SLC23A2: variants seen among roughly 807,000 people sequenced by gnomAD.
SLC23A2 encodes the protein Na(+)/L-ascorbic acid transporter 2.
In SLC23A2, 36 loss-of-function variants were observed where a neutral mutation model predicts 73.3. That is an observed-to-expected ratio of 0.49 (90% CI 0.38 to 0.65). The LOEUF is 0.65. Among genes scored for constraint, SLC23A2 ranks in the 30% least tolerant of loss-of-function variants. The probability of loss-of-function intolerance (pLI) is 0.00; values close to 1 mark genes in which losing one functional copy is unlikely to be tolerated. For missense variants in SLC23A2, 507 were observed against 841.6 expected, an observed-to-expected ratio of 0.60 and a Z score of 4.92; for synonymous variants, 343 against 327.3, an observed-to-expected ratio of 1.05 and a Z score of -0.52.
At chr20:4,866,568 T>C (rs1203836251) in intron 13 of SLC23A2, among the ~76,000 whole-genome samples, 4 of 152,106 alleles carry the variant, frequency 2.6e-5, no homozygotes, top group Non-Finnish European at 4.4e-5. Context: ...ACATCCCCCA[T>C]ACAGGGAGCA....
chr20:4,922,695 G>A (rs1468674584), intron 3 of SLC23A2, among the ~76,000 whole-genome samples: 1 of 152,074 alleles, frequency 6.6e-6, no homozygotes, highest in African/African-American at 2.4e-5. Flanking sequence ...GGGCATGGTC[G>A]TGCATGCCTG....
chr20:4,999,939 C>T (rs1019360653), intron 1 of SLC23A2, among the ~76,000 whole-genome samples: 2 of 152,120 alleles, frequency 1.3e-5, no homozygotes, highest in African/African-American at 4.8e-5. Flanking sequence ...AGGAAATAGC[C>T]TAGAAAGCAG....
chr20:4,879,797 A>G (rs183779895), intron 9 of SLC23A2, among the ~76,000 whole-genome samples: 1 of 152,326 alleles, frequency 6.6e-6, no homozygotes, highest in East Asian at 1.9e-4. Context: ...TTGTTCTTTC[A>G]TTGTGTTATC....
At chr20:4,944,129 T>G (rs907837116) in intron 2 of SLC23A2, among the ~76,000 whole-genome samples, 1 of 152,224 alleles carries the variant, frequency 6.6e-6, no homozygotes, top group African/African-American at 2.4e-5. Context: ...TAAAATTGAC[T>G]TTAGAAGACT....
At chr20:4,909,899 T>C (rs1316832426) in intron 4 of SLC23A2, among the ~76,000 whole-genome samples, 1 of 152,150 alleles carries the variant, frequency 6.6e-6, no homozygotes, top group Non-Finnish European at 1.5e-5. Context: ...GATCTCAAAG[T>C]TACAGAAGAC....
intron 2 of SLC23A2, among the ~76,000 whole-genome samples, chr20:4,959,997 T>C (rs982876061): frequency 2.0e-5 from 3 of 152,106 alleles, no homozygotes; most frequent in African/African-American, 7.2e-5. Context: ...TCTCGCTATG[T>C]TGCCCAGGCT....
intron 13 of SLC23A2, among the ~76,000 whole-genome samples, chr20:4,866,335 C>A (rs747655900): frequency 9.2e-5 from 14 of 152,228 alleles, no homozygotes; most frequent in Non-Finnish European, 2.1e-4. Context: ...GTAGAACCCA[C>A]AGATACAGAG....
At position 4,872,047 on chromosome 20, in the gene SLC23A2, G is replaced by A. The variant is rs1833837366; in HGVS notation, c.1102+1889C>T. On this transcript the variant is annotated intron_variant, in intron 11 of 16. Transcript: ENST00000338244. The surrounding 1 kb of genome is among the most constrained non-coding windows in gnomAD (Gnocchi z 4.4). ...TTGTTGGCTTCCAGCCTTCTCTCTT[G>A]AATCTGTTATTTCATATCTCCTTTT... Among the ~76,000 whole-genome samples the A allele has an allele frequency of 6.6e-6, 1 of 150,970 alleles. No homozygotes were observed. Among genetic ancestry groups the A allele is most frequent in the African/African-American group, 2.4e-5 (1 of 41,042 alleles).
At chr20:4,987,118 G>A (rs1307869172) in intron 1 of SLC23A2, among the ~76,000 whole-genome samples, 1 of 152,044 alleles carries the variant, frequency 6.6e-6, no homozygotes, top group Non-Finnish European at 1.5e-5. Flanking sequence ...TCACACTAGG[G>A]GTCCAGAAGC....
chr20:4,950,515 G>A (rs551201546), intron 2 of SLC23A2, among the ~76,000 whole-genome samples: 1 of 152,308 alleles, frequency 6.6e-6, no homozygotes, highest in South Asian at 2.1e-4. Flanking sequence ...AACAGTGGAA[G>A]TACCCATGAA....
chr20:4,965,617 A>G (rs531850784), intron 2 of SLC23A2, among the ~76,000 whole-genome samples: 28 of 152,114 alleles, frequency 1.8e-4, no homozygotes, highest in African/African-American at 6.5e-4. Flanking sequence ...ACAAAAAATT[A>G]GCCAGGTATG....
rs79400223 is a variant in SLC23A2 at position 4,979,238 on chromosome 20, A to G, written c.-281-8319T>C. On this transcript the variant is annotated intron_variant, in intron 1 of 16. Coordinates refer to ENST00000338244, the MANE Select transcript of SLC23A2 (RefSeq NM_005116.6). ...AACCCGGGAGGCGGAGGTTACAGTGAACCGAGATCACACCACTGCACTCCA... is the reference window on the plus strand; with the variant it reads ...AACCCGGGAGGCGGAGGTTACAGTGGACCGAGATCACACCACTGCACTCCA... Among the ~76,000 whole-genome samples the G allele has an allele frequency of 1.5e-4, 23 of 152,140 alleles. No homozygotes were observed. In the East Asian group the frequency reaches 3.1e-3, roughly 20 times the overall value.
At chr20:4,999,294 C>T (rs2088076916) in intron 1 of SLC23A2, among the ~76,000 whole-genome samples, 1 of 152,134 alleles carries the variant, frequency 6.6e-6, no homozygotes, top group East Asian at 1.9e-4. Context: ...GCAAAAGACA[C>T]AGTTTATTCA....
chr20:4,909,500 C>T (rs903315113), intron 4 of SLC23A2, among the ~76,000 whole-genome samples: 5 of 151,562 alleles, frequency 3.3e-5, no homozygotes, highest in Non-Finnish European at 5.9e-5. Flanking sequence ...TTTTTTGGAA[C>T]AACTAGTCCT....
intron 1 of SLC23A2, among the ~76,000 whole-genome samples, chr20:4,986,691 G>C (rs374715020): frequency 8.2e-4 from 63 of 76,860 alleles, no homozygotes; most frequent in Middle Eastern, 6.4e-3. Context: ...CACACACACA[G>C]AGATGAATAT....
intron 1 of SLC23A2, among the ~76,000 whole-genome samples, chr20:4,972,386 G>T (rs2087574910): frequency 6.6e-6 from 1 of 150,436 alleles, no homozygotes; most frequent in East Asian, 1.9e-4. Flanking sequence ...ACTAAACACT[G>T]GTCTTGTGCT....
intron 8 of SLC23A2, among the ~76,000 whole-genome samples, chr20:4,884,185 G>A (rs1931005537): frequency 6.6e-6 from 1 of 152,178 alleles, no homozygotes. Context: ...TAAAGAGTGA[G>A]CCCCCCAGGA....
chr20:4,975,544 C>A (rs1220144713), intron 1 of SLC23A2, among the ~76,000 whole-genome samples: 4 of 151,836 alleles, frequency 2.6e-5, no homozygotes, highest in Non-Finnish European at 5.9e-5. Flanking sequence ...CCACGCCTGG[C>A]TAATGTTTGT....
intron 6 of SLC23A2, among the ~76,000 whole-genome samples, chr20:4,896,706 C>T (rs1931535670): frequency 6.6e-6 from 1 of 152,194 alleles, no homozygotes; most frequent in Admixed American, 6.5e-5. Context: ...GCCCCCATCA[C>T]CTTTCTCATG....
Sources: allele counts gnomAD v4.1 joint callset (sites outside exome capture counted in the v4.1 genomes callset), GRCh38; gene constraint gnomAD v4.1.1; non-coding constraint Gnocchi (gnomAD v3.1); transcripts MANE v1.5; gene names NCBI Gene and HGNC (gene_info 2026-07-23, HGNC 2026-07-21).